TMOD3: variants seen among roughly 807,000 people sequenced by gnomAD.
TMOD3 encodes the protein tropomodulin-3.
In TMOD3, 20 loss-of-function variants were observed where a neutral mutation model predicts 39.2. The observed-to-expected ratio is 0.51, with a 90% CI of 0.36 to 0.74. The LOEUF (loss-of-function observed/expected upper bound fraction) is 0.74, where lower values mean the gene tolerates loss of function less well. TMOD3 is among the 30% of genes least tolerant of loss of function. TMOD3 has a pLI of 0.00. For missense variants in TMOD3, 381 were observed against 412.8 expected (o/e 0.92, Z 0.67); for synonymous variants, 143 against 145.8 (o/e 0.98, Z 0.14).
intron 1 of TMOD3, among the ~76,000 whole-genome samples, chr15:51,857,122 A>C (rs183241699): frequency 6.6e-6 from 1 of 152,246 alleles, no homozygotes; most frequent in African/African-American, 2.4e-5. Context: ...GAAAAAAGCA[A>C]GTCACAGAAG....
chr15:51,845,994 G>C (rs1004076502), intron 1 of TMOD3, among the ~76,000 whole-genome samples: 2 of 151,894 alleles, frequency 1.3e-5, no homozygotes, highest in African/African-American at 4.8e-5. Flanking sequence ...CTATTTTTAA[G>C]ACTGAAGATT....
chr15:51,860,796 C>T (rs1189858487), intron 1 of TMOD3, among the ~76,000 whole-genome samples: 5 of 152,096 alleles, frequency 3.3e-5, no homozygotes, highest in African/African-American at 1.2e-4. Flanking sequence ...ATTAGCCGGG[C>T]CTGGTGGCAG....
intron 9 of TMOD3, among the ~76,000 whole-genome samples, chr15:51,908,328 C>G (rs1024590357): frequency 6.6e-5 from 10 of 152,176 alleles, no homozygotes; most frequent in Admixed American, 5.2e-4. Flanking sequence ...AATCCCAGCA[C>G]TTTGGGATGC....
At chr15:51,888,203 C>CAA (rs1186085443) in intron 4 of TMOD3, among the ~76,000 whole-genome samples, 1 of 152,174 alleles carries the variant, frequency 6.6e-6, no homozygotes, top group Non-Finnish European at 1.5e-5. Context: ...TCATTATTGT[C>CAA]AATTTCTTAT....
intron 9 of TMOD3, among the ~76,000 whole-genome samples, chr15:51,906,085 G>C (rs1053157078): frequency 6.6e-6 from 1 of 152,062 alleles, no homozygotes; most frequent in South Asian, 2.1e-4. Flanking sequence ...TGAGCACCAG[G>C]TGAGAAAGAG....
chr15:51,866,370 A>C (rs1277809118), intron 2 of TMOD3, among the ~76,000 whole-genome samples: 2 of 152,272 alleles, frequency 1.3e-5, no homozygotes, highest in East Asian at 3.9e-4. Context: ...AGGCAGGAAG[A>C]TTGCTTAAGC....
At chr15:51,893,042 T>C (rs1424004300) in intron 5 of TMOD3, among the ~76,000 whole-genome samples, 1 of 152,090 alleles carries the variant, frequency 6.6e-6, no homozygotes, top group East Asian at 1.9e-4. Context: ...CTGCCTGTAA[T>C]CCCAGCACTT....
rs139773905 is a variant in TMOD3, at chr15:51,900,131, CTT to C, written c.736-23_736-22del. 3,759 of 1,610,852 alleles carry C rather than the reference CTT, an allele frequency of 2.3e-3. 81 individuals are homozygous for C. The African/African-American group carries it at 0.045, about 19-fold the overall frequency. The stretch of plus-strand genomic sequence containing the variant: ...TAGGTACTGTATCAAATTTTAATCT[CTT>C]AATATTTTCTCTAATTTCTAGGCTT... On this transcript the variant is annotated intron_variant, in intron 7 of 9. Transcript: ENST00000308580.
At position 51,915,153 on chromosome 15, in the gene TMOD3, A is replaced by G. The variant is rs1234158959; in HGVS notation, c.*6343A>G. ...AATTAATTGGCCTAAAATGTTTCAA[A>G]TATTATAGTCTATACATTCAGAAAG... On this transcript the variant is annotated 3_prime_UTR_variant, in exon 10 of 10. Coordinates refer to ENST00000308580, the MANE Select transcript of TMOD3 (RefSeq NM_014547.5). 2.6e-5 allele frequency: 4 copies of G among 152,038 alleles called. No individual in the cohort carries two copies. Among genetic ancestry groups the G allele is most frequent in the Admixed American group, 2.0e-4 (3 of 15,268 alleles). 9.4% of individuals were successfully genotyped at this position (152,038 alleles called of 1,614,324 possible).
intron 8 of TMOD3, chr15:51,900,999 T>TC (rs1333204627): frequency 6.6e-6 from 1 of 152,214 alleles, no homozygotes; most frequent in Non-Finnish European, 1.5e-5. Flanking sequence ...TAGCAGTCAC[T>TC]CCCCATTCAC....
intron 1 of TMOD3, among the ~76,000 whole-genome samples, chr15:51,850,990 C>T (rs1329920377): frequency 6.6e-6 from 1 of 152,190 alleles, no homozygotes; most frequent in Non-Finnish European, 1.5e-5. Flanking sequence ...ACCTTGGCCT[C>T]CCAAAGTGTA....
chr15:51,850,356 G>A lies in TMOD3; in HGVS notation c.-74-12455G>A, dbSNP rs4775985. Among the ~76,000 whole-genome samples the A allele has an allele frequency of 1.8e-3, 271 of 152,226 alleles. 1 individual carries two copies. The highest frequency in any genetic ancestry group is 0.016 in the Admixed American group (244 of 15,290). On this transcript the variant is annotated intron_variant, in intron 1 of 9. Transcript: ENST00000308580. ...AGGATTGGCCTTAGGTAAGAGACTGGACAGTTTATCCATAATAGCAAGAGG... is the reference window on the plus strand; with the variant it reads ...AGGATTGGCCTTAGGTAAGAGACTGAACAGTTTATCCATAATAGCAAGAGG...
At chr15:51,870,410 A>G (rs1406630160) in intron 3 of TMOD3, among the ~76,000 whole-genome samples, 1 of 152,230 alleles carries the variant, frequency 6.6e-6, no homozygotes, top group Non-Finnish European at 1.5e-5. Context: ...CAGCAGTAGC[A>G]GAGCTGAAGA....
chr15:51,907,963 C>A (rs759960836), intron 9 of TMOD3, among the ~76,000 whole-genome samples: 1 of 152,182 alleles, frequency 6.6e-6, no homozygotes, highest in Non-Finnish European at 1.5e-5. Flanking sequence ...AGTGACCACA[C>A]CATATTACCA....
rs182644942 is a variant in TMOD3 at position 51,876,675 on chromosome 15, A to G, written c.283+7302A>G. Among the ~76,000 whole-genome samples, 284 of 151,614 alleles carry G rather than the reference A, an allele frequency of 1.9e-3. 1 individual carries two copies. Among genetic ancestry groups the G allele is most frequent in the Non-Finnish European group, 2.4e-3 (165 of 67,892 alleles). ...ACGGGGTTTCACCGTGTTAGCCAGG[A>G]TGGTCTCAATCTCCTGACCTCGTGA... On this transcript the variant is annotated intron_variant, in intron 3 of 9. Transcript: ENST00000308580.
chr15:51,893,690 G>A lies in TMOD3; in HGVS notation c.497-125G>A, dbSNP rs191775063. On this transcript the variant is annotated intron_variant, in intron 5 of 9. Coordinates refer to ENST00000308580, the MANE Select transcript of TMOD3 (RefSeq NM_014547.5). Reference sequence around the variant, plus strand: ...TGAGGCAGGAGAATGGCTTGAACCCGGGAGGCGGAGCTTGCAGTGAGCCGA... The same window carrying A: ...TGAGGCAGGAGAATGGCTTGAACCCAGGAGGCGGAGCTTGCAGTGAGCCGA... 6.2e-5 allele frequency: 53 copies of A among 860,218 alleles called. No homozygotes were observed. In the East Asian group the frequency reaches 6.4e-4, roughly 10 times the overall value. 53.3% of individuals were successfully genotyped at this position (860,218 alleles called of 1,614,324 possible).
intron 1 of TMOD3, among the ~76,000 whole-genome samples, chr15:51,847,427 G>GA (rs1555465631): frequency 6.6e-6 from 1 of 152,196 alleles, no homozygotes; most frequent in Non-Finnish European, 1.5e-5. Flanking sequence ...CTTTTACACA[G>GA]AATAATCAAC....
At chr15:51,836,520 A>G (rs1595888703) in intron 1 of TMOD3, among the ~76,000 whole-genome samples, 1 of 151,982 alleles carries the variant, frequency 6.6e-6, no homozygotes, top group South Asian at 2.1e-4. Context: ...AGGTCAGGAG[A>G]TCGAGACCAT....
At chr15:51,906,243 T>C (rs2056680213) in intron 9 of TMOD3, among the ~76,000 whole-genome samples, 1 of 152,168 alleles carries the variant, frequency 6.6e-6, no homozygotes, top group Non-Finnish European at 1.5e-5. Context: ...GAAGACCATG[T>C]TTTCTGACAT....
Sources: allele counts gnomAD v4.1 joint callset (sites outside exome capture counted in the v4.1 genomes callset), GRCh38; gene constraint gnomAD v4.1.1; transcripts MANE v1.5; gene names NCBI Gene and HGNC (gene_info 2026-07-23, HGNC 2026-07-21).